Variants in AKAP19 observed in about 807,000 individuals in gnomAD.
AKAP19 encodes small A-kinase anchoring protein.
chr2:190,138,094 TAC>T, the AKAP19 span, among the ~76,000 whole-genome samples: 15 of 152,352 alleles, frequency 9.8e-5, no homozygotes, highest in African/African-American at 3.6e-4. Context: ...GGTTTCTACC[TAC>T]TACTGAGAAT....
At chr2:190,062,291 G>C in the AKAP19 span, 6 of 1,613,042 alleles carry the variant, frequency 3.7e-6, no homozygotes, top group Non-Finnish European at 4.2e-6. Context: ...AAGAGCCATC[G>C]CTGCTGTCAT....
chr2:189,947,563 T>G, the AKAP19 span, among the ~76,000 whole-genome samples: 4 of 152,114 alleles, frequency 2.6e-5, no homozygotes, highest in African/African-American at 9.7e-5. Flanking sequence ...TTGGGCTAGC[T>G]GCATAATCTC....
At chr2:189,953,109 TG>T in the AKAP19 span, among the ~76,000 whole-genome samples, 1 of 22,738 alleles carries the variant, frequency 4.4e-5, no homozygotes, top group African/African-American at 1.5e-4. Flanking sequence ...ATAACATCCC[TG>T]GCCAGATTTT....
chr2:189,892,408 G>T, the AKAP19 span, among the ~76,000 whole-genome samples: 4 of 152,216 alleles, frequency 2.6e-5, no homozygotes, highest in South Asian at 8.3e-4. Flanking sequence ...TGACTTTCGG[G>T]TGCGGTTTCT....
chr2:190,134,016 C>T, the AKAP19 span, among the ~76,000 whole-genome samples: 2,254 of 152,228 alleles, frequency 0.015, 55 homozygotes, highest in African/African-American at 0.051. Flanking sequence ...TGAGGTAATA[C>T]ATATGTTAAT....
the AKAP19 span, among the ~76,000 whole-genome samples, chr2:189,966,237 G>A: frequency 0.038 from 5,747 of 152,078 alleles, 378 homozygotes; most frequent in African/African-American, 0.13. Flanking sequence ...ATTGGGTTCC[G>A]TGTGTACTAC....
At chr2:190,063,358 T>C in the AKAP19 span, among the ~76,000 whole-genome samples, 4,002 of 152,236 alleles carry the variant, frequency 0.026, 178 homozygotes, top group African/African-American at 0.091. Flanking sequence ...CATAGTTTCA[T>C]GTCTTTTATT....
At chr2:190,100,065 G>A in the AKAP19 span, among the ~76,000 whole-genome samples, 1 of 152,162 alleles carries the variant, frequency 6.6e-6, no homozygotes, top group Admixed American at 6.5e-5. Context: ...CCTGAAAGGA[G>A]ATTACAGGCT....
At chr2:189,995,922 C>A in the AKAP19 span, among the ~76,000 whole-genome samples, 1 of 152,078 alleles carries the variant, frequency 6.6e-6, no homozygotes, top group African/African-American at 2.4e-5. Flanking sequence ...AAGGATAGGA[C>A]CCCAATCATT....
At chr2:189,923,975 G>A in the AKAP19 span, 4,415 of 1,604,368 alleles carry the variant, frequency 2.8e-3, 13 homozygotes, top group Non-Finnish European at 3.5e-3. Context: ...ACAAGCAGTA[G>A]AGATGAACAA....
chr2:189,967,862 A>G, the AKAP19 span, among the ~76,000 whole-genome samples: 1 of 152,104 alleles, frequency 6.6e-6, no homozygotes, highest in Non-Finnish European at 1.5e-5. Flanking sequence ...ATTAAAAAAA[A>G]AAAAGGAACA....
the AKAP19 span, among the ~76,000 whole-genome samples, chr2:190,159,422 A>T: frequency 6.6e-6 from 1 of 152,228 alleles, no homozygotes; most frequent in African/African-American, 2.4e-5. Context: ...CTCTCTGGTT[A>T]TGAGTTAAAC....
the AKAP19 span, among the ~76,000 whole-genome samples, chr2:190,054,730 CTCA>C: frequency 2.6e-5 from 4 of 152,250 alleles, no homozygotes; most frequent in African/African-American, 7.2e-5. Flanking sequence ...TGAAAAAATG[CTCA>C]TCATCACTGG....
At chr2:190,068,427 T>C in the AKAP19 span, among the ~76,000 whole-genome samples, 1 of 152,178 alleles carries the variant, frequency 6.6e-6, no homozygotes, top group Admixed American at 6.5e-5. Context: ...CCTCCCGGGT[T>C]CAAGCGATTC....
the AKAP19 span, chr2:190,057,047 A>C: frequency 1.8e-6 from 1 of 558,834 alleles, no homozygotes; most frequent in Non-Finnish European, 3.1e-6. Flanking sequence ...AAACTCTGGA[A>C]ATCATAAAAC....
chr2:190,172,046 G>A, the AKAP19 span, among the ~76,000 whole-genome samples: 13 of 152,288 alleles, frequency 8.5e-5, no homozygotes, highest in African/African-American at 2.9e-4. Flanking sequence ...CTTGGCACCA[G>A]CAGGTTGAAC....
chr2:190,144,900 C>G, the AKAP19 span, among the ~76,000 whole-genome samples: 1 of 151,992 alleles, frequency 6.6e-6, no homozygotes, highest in Admixed American at 6.6e-5. Flanking sequence ...TCACTTGAAC[C>G]CGGGAGGTGG....
chr2:189,973,080 T>C, the AKAP19 span, among the ~76,000 whole-genome samples: 2 of 152,202 alleles, frequency 1.3e-5, no homozygotes, highest in Admixed American at 6.5e-5. Context: ...AGGGAATGCT[T>C]CCAGTTTTTG....
At chr2:190,069,169 T>TGAGAGA in the AKAP19 span, among the ~76,000 whole-genome samples, 2 of 137,344 alleles carry the variant, frequency 1.5e-5, no homozygotes, top group African/African-American at 3.2e-5. Context: ...TGTGTGTGTG[T>TGAGAGA]GTGTGTGAGA....
Sources: allele counts gnomAD v4.1 joint callset (sites outside exome capture counted in the v4.1 genomes callset), GRCh38; gene constraint gnomAD v4.1.1; transcripts MANE v1.5; gene names NCBI Gene and HGNC (gene_info 2026-07-23, HGNC 2026-07-21).